Variants in ITGB5 observed in about 807,000 individuals in gnomAD.
ITGB5 encodes the protein integrin subunit beta 5.
A neutral mutation model predicts 84.8 loss-of-function variants in ITGB5; 38 were observed. The ratio of observed to expected loss-of-function variants is 0.45; its 90% CI spans 0.35 to 0.59. The LOEUF is 0.59. Among genes scored for constraint, ITGB5 ranks in the 20% least tolerant of loss-of-function variants. ITGB5 has a pLI of 0.01. For synonymous variants in ITGB5, 393 were observed against 414.4 expected (o/e 0.95, Z 0.63); for missense variants, 905 against 1,034.5 (o/e 0.87, Z 1.72).
chr3:124,868,606 C>G (rs1019293835), intron 2 of ITGB5, among the ~76,000 whole-genome samples: 4 of 125,644 alleles, frequency 3.2e-5, no homozygotes, highest in African/African-American at 1.3e-4. Context: ...CATAGTGAGA[C>G]CTGTTCTCTA....
intron 10 of ITGB5, chr3:124,791,912 C>T (rs956790054): frequency 6.6e-6 from 1 of 152,176 alleles, no homozygotes; most frequent in African/African-American, 2.4e-5. Context: ...CCATTCACAG[C>T]CCCTCCTGAG....
chr3:124,835,120 G>A (rs376983403), intron 5 of ITGB5, among the ~76,000 whole-genome samples: 2 of 152,144 alleles, frequency 1.3e-5, no homozygotes, highest in Non-Finnish European at 2.9e-5. Flanking sequence ...AGGCAGGCAC[G>A]TGACTTGTTT....
intron 2 of ITGB5, among the ~76,000 whole-genome samples, chr3:124,872,696 T>C (rs1412360831): frequency 1.3e-5 from 2 of 152,124 alleles, no homozygotes; most frequent in East Asian, 3.9e-4. Context: ...AATTTAGAAA[T>C]CGATCATTTT....
chr3:124,864,250 G>T (rs1280873994), intron 2 of ITGB5, among the ~76,000 whole-genome samples: 1 of 151,464 alleles, frequency 6.6e-6, no homozygotes. Context: ...GGGACTACAG[G>T]TGCCCGCCAC....
chr3:124,769,036 AC>A lies in ITGB5; in HGVS notation c.1993del (p.Val665Ter). 1 of 1,613,664 alleles carries A rather than the reference AC, an allele frequency of 6.2e-7. No individual in the cohort carries two copies. Among genetic ancestry groups the A allele is most frequent in the Non-Finnish European group, 8.5e-7 (1 of 1,179,928 alleles). The part of the protein sequence containing the change: ...QTCHSLCRDE[V>X]ITWVDTIVKD... ...ACCGATGGTGTCCACCCATGTGATC[AC>A]CTCATCCCTGCATAGGCTGTGGCAG... is the stretch of plus-strand genomic sequence containing the variant. On this transcript the variant is annotated frameshift_variant, in exon 12 of 15. Coordinates refer to ENST00000296181, the MANE Select transcript of ITGB5 (RefSeq NM_002213.5). LOFTEE classifies it high-confidence loss of function.
intron 10 of ITGB5, among the ~76,000 whole-genome samples, chr3:124,788,782 G>A (rs2064117526): frequency 2.0e-5 from 3 of 152,198 alleles, no homozygotes; most frequent in South Asian, 4.1e-4. Flanking sequence ...ACATCAAACT[G>A]AGCAGAGATT....
chr3:124,835,104 G>A (rs1443662834), intron 5 of ITGB5, among the ~76,000 whole-genome samples: 1 of 152,196 alleles, frequency 6.6e-6, no homozygotes, highest in Non-Finnish European at 1.5e-5. Flanking sequence ...CCTAAGCACA[G>A]GTGCAAGGCA....
Position 124,773,892 on chromosome 3 carries a change from C to A in ITGB5, c.1714G>T (p.Gly572Trp). Residue 572 changes from glycine to tryptophan, a missense_variant, in exon 11 of 15, where the codon GGG (glycine) becomes TGG (tryptophan). Physicochemically the swap from Gly to Trp is radical, Grantham distance 184. Around this residue, in one of 3 missense-constraint regions of ITGB5, gnomAD observed 656 missense variants for 734.7 expected, o/e 0.89. Transcript: ENST00000296181. ...TAACCTGCATGGCACTTGCATTCCC[C>A]GCAGTGACACTCGCCATGGCCTAAA... ...LCSGHGECHC[G>W]ECKCHAGYIG... is the part of the protein sequence containing the mutation. The A allele has an allele frequency of 6.2e-7, 1 of 1,614,182 alleles. No individual in the cohort carries two copies. The highest frequency in any genetic ancestry group is 8.5e-7 in the Non-Finnish European group (1 of 1,180,036).
Position 124,766,247 on chromosome 3 carries a change from G to C in ITGB5, c.2116C>G (p.Leu706Val), listed in dbSNP as rs746559697. The change falls in exon 13 of 15, where the codon CTG (leucine) becomes GTG (valine). Residue 706 changes from leucine (L) to valine (V), a missense_variant. Leu to Val is a conservative substitution (Grantham distance 32, BLOSUM62 1). Around this residue, in one of 3 missense-constraint regions of ITGB5, gnomAD observed 133 missense variants for 122.8 expected, o/e 1.08. Transcript: ENST00000296181. ...CTACCTGGCTCCCTGAGGACGGTCA[G>C]GTTGGACTTCCCACTGGGGAGCTCC... ...YVELPSGKSN[L>V]TVLREPECGN... is the part of the protein sequence containing the mutation. The C allele has an allele frequency of 4.3e-6, 7 of 1,614,098 alleles. No homozygotes were observed. The highest frequency in any genetic ancestry group is 3.3e-5 in the South Asian group (3 of 91,068).
At chr3:124,829,313 G>T (rs760879818) in intron 5 of ITGB5, among the ~76,000 whole-genome samples, 4 of 152,048 alleles carry the variant, frequency 2.6e-5, no homozygotes, top group Non-Finnish European at 5.9e-5. Context: ...AACCAATTTC[G>T]CTAAACATGA....
chr3:124,898,170 A>T (rs1935144339), intron 1 of ITGB5, among the ~76,000 whole-genome samples: 1 of 151,652 alleles, frequency 6.6e-6, no homozygotes, highest in Admixed American at 6.6e-5. Flanking sequence ...TAGAATATTC[A>T]GGTGAGGTCC....
At position 124,817,646 on chromosome 3, in the gene ITGB5, A is replaced by C; in HGVS notation, c.1103T>G (p.Ile368Ser). 1 of 1,579,230 alleles carries C rather than the reference A, an allele frequency of 6.3e-7. No homozygotes were observed. The highest frequency in any genetic ancestry group is 1.7e-4 in the Middle Eastern group (1 of 5,964). ...EILDGDSKNIIQLIINAYNSI... is the reference protein window; with the variant it reads ...EILDGDSKNISQLIINAYNSI... Reference sequence around the variant, plus strand: ...ATTGTATGCATTAATAATCAGTTGAATAATATTTTTGGAGTCTCCATCTAA... The same window carrying C: ...ATTGTATGCATTAATAATCAGTTGACTAATATTTTTGGAGTCTCCATCTAA... Residue 368 changes from isoleucine to serine, a missense_variant, in exon 8 of 15, where the codon ATT (isoleucine) becomes AGT (serine). Physicochemically the swap from Ile to Ser is moderately radical, Grantham distance 142 (BLOSUM62 -2). Around this residue, in one of 3 missense-constraint regions of ITGB5, gnomAD observed 656 missense variants for 734.7 expected, o/e 0.89. Coordinates refer to ENST00000296181, the MANE Select transcript of ITGB5 (RefSeq NM_002213.5).
chr3:124,886,861 C>G, intron 1 of ITGB5, 70 bp downstream of exon 1: 1 of 1,032,832 alleles, frequency 9.7e-7, no homozygotes, highest in Non-Finnish European at 1.2e-6. Context: ...CTCCCCGCCC[C>G]TCCGAGACGC....
At chr3:124,836,195 A>G (rs2064932931) in intron 5 of ITGB5, among the ~76,000 whole-genome samples, 1 of 140,122 alleles carries the variant, frequency 7.1e-6, no homozygotes, top group South Asian at 2.4e-4. Flanking sequence ...GTGCCTTCCT[A>G]GGTTTGGAAT....
chr3:124,837,687 CAT>C (rs2064953742), intron 5 of ITGB5, among the ~76,000 whole-genome samples: 1 of 152,202 alleles, frequency 6.6e-6, no homozygotes, highest in Admixed American at 6.5e-5. Flanking sequence ...TAAAGTCAGA[CAT>C]GTGAATATTC....
chr3:124,807,175 G>A (rs2064417990), intron 9 of ITGB5, among the ~76,000 whole-genome samples: 1 of 152,192 alleles, frequency 6.6e-6, no homozygotes, highest in South Asian at 2.1e-4. Flanking sequence ...CAGCACTTTG[G>A]GAGGCTGCAG....
At chr3:124,888,492 C>A (rs1472676583), upstream of ITGB5, among the ~76,000 whole-genome samples, 1 of 152,074 alleles carries the variant, frequency 6.6e-6, no homozygotes, top group Non-Finnish European at 1.5e-5. Flanking sequence ...GGTTGATAGG[C>A]AAGAGAAGAG....
chr3:124,829,097 A>C (rs767347098), intron 5 of ITGB5, among the ~76,000 whole-genome samples: 9 of 152,202 alleles, frequency 5.9e-5, no homozygotes, highest in Non-Finnish European at 1.2e-4. Flanking sequence ...ACTGTCACTT[A>C]TATCTATAAT....
At chr3:124,882,615 G>A (rs115661943) in intron 1 of ITGB5, among the ~76,000 whole-genome samples, 1,966 of 152,318 alleles carry the variant, frequency 0.013, 58 homozygotes, top group African/African-American at 0.043. Context: ...TGGAGAGTTC[G>A]TGGAGCCTGG....
Sources: gnomAD v4.1 joint callset for allele counts (sites outside exome capture counted in the v4.1 genomes callset) on GRCh38, gnomAD v4.1.1 for gene constraint, gnomAD v4.1.1 regional missense constraint, MANE v1.5 for transcripts, NCBI Gene and HGNC (gene_info 2026-07-23, HGNC 2026-07-21) for gene names.